The following TBC1D30 variants were observed in gnomAD, a reference collection of about 807,000 sequenced individuals.
TBC1D30 encodes the protein TBC1 domain family, member 30.
TBC1D30 carries 31 observed loss-of-function variants against 63.2 expected under a neutral mutation model. That is an observed-to-expected ratio of 0.49 (90% CI 0.37 to 0.66). The LOEUF (loss-of-function observed/expected upper bound fraction) is 0.66. TBC1D30 is among the 30% of genes least tolerant of loss of function. The pLI, the probability that TBC1D30 is intolerant of heterozygous loss-of-function variation, is 0.00. For synonymous variants in TBC1D30, 307 were observed against 361.5 expected (o/e 0.85, Z 1.71); for missense variants, 810 against 953.6 (o/e 0.85, Z 1.98).
At chr12:64,853,220 G>A (rs1329106644) in intron 8 of TBC1D30, among the ~76,000 whole-genome samples, 1 of 152,182 alleles carries the variant, frequency 6.6e-6, no homozygotes, top group South Asian at 2.1e-4. Context: ...GCACTCTAGC[G>A]ACAGCGGCTT....
rs967922781 is a variant in TBC1D30, at chr12:64,879,993, A to G, written c.*4205A>G. ...ATGGAAACCTGAAAACAATATAAAC[A>G]TCTGGGAATAGGGGAGATGTTTGGA... On this transcript the variant is annotated 3_prime_UTR_variant, in exon 12 of 12. Coordinates refer to ENST00000539867, the MANE Select transcript of TBC1D30 (RefSeq NM_015279.2). 6.6e-6 allele frequency: 1 copy of G among 152,220 alleles called. No homozygotes were observed. The highest frequency in any genetic ancestry group is 1.5e-5 in the Non-Finnish European group (1 of 68,036). The allele number at this position is 152,220 out of a possible 1,614,324, so 9.4% of individuals were successfully genotyped here.
At chr12:64,823,469 T>G (rs78791516), upstream of TBC1D30, among the ~76,000 whole-genome samples, 4,604 of 152,234 alleles carry the variant, frequency 0.03, 216 homozygotes, top group African/African-American at 0.11. Context: ...TAAAAATAAT[T>G]TATTCATTTA....
chr12:64,853,330 G>A (rs550887619), intron 8 of TBC1D30, among the ~76,000 whole-genome samples: 31 of 152,282 alleles, frequency 2.0e-4, no homozygotes, highest in South Asian at 1.0e-3. Context: ...AATGGTGGAC[G>A]TCCCTACCCC....
chr12:64,806,820 C>A (rs1459882049), intron 2 of TBC1D30, among the ~76,000 whole-genome samples: 1 of 152,206 alleles, frequency 6.6e-6, no homozygotes, highest in Non-Finnish European at 1.5e-5. Flanking sequence ...TGTGTTACAG[C>A]ATCTACATAC....
At chr12:64,836,193 G>A (rs1029707163) in intron 5 of TBC1D30, among the ~76,000 whole-genome samples, 4 of 152,178 alleles carry the variant, frequency 2.6e-5, no homozygotes, top group East Asian at 3.9e-4. Context: ...TCAGAATGAC[G>A]CTAAGGGTTG....
chr12:64,861,463 T>C (rs1168007251), intron 8 of TBC1D30, among the ~76,000 whole-genome samples: 1 of 152,192 alleles, frequency 6.6e-6, no homozygotes, highest in Non-Finnish European at 1.5e-5. Context: ...GTGGGCTGAA[T>C]GTAAGGTCTT....
At position 64,866,885 on chromosome 12, in the gene TBC1D30, T is replaced by TA; in HGVS notation, c.1274dup (p.Tyr425Ter). The part of the protein sequence containing the change: ...SGFLAPELQK[Y>*]QKQIKEPNEE... ...GTTCCTGGCTCCTGAACTGCAGAAG[T>TA]ACCAAAAACAAATTAAAGGTAAAGA... Residue 425 changes from tyrosine to a stop codon, truncating the protein, a stop_gained and frameshift_variant, in exon 10 of 12, where the codon TAC becomes TAAC. Transcript: ENST00000539867. LOFTEE classifies it high-confidence loss of function. 1.3e-6 allele frequency: 2 copies of TA among 1,536,056 alleles called. No individual in the cohort carries two copies. Among genetic ancestry groups the TA allele is most frequent in the Non-Finnish European group, 1.7e-6 (2 of 1,146,884 alleles).
exon 1 of TBC1D30, chr12:64,780,785 C>T (rs1871227149): frequency 1.0e-6 from 1 of 989,450 alleles, no homozygotes; most frequent in African/African-American, 1.7e-5. Flanking sequence ...GCAGCGGGAG[C>T]CGGGCAGCCG....
upstream of TBC1D30, among the ~76,000 whole-genome samples, chr12:64,780,246 G>A (rs995639858): frequency 7.9e-5 from 12 of 152,222 alleles, no homozygotes. Context: ...AAACTAAGAA[G>A]GCTTTTGAAG....
At position 64,836,662 on chromosome 12, in the gene TBC1D30, G is replaced by A; in HGVS notation, c.763+4G>A. 6.5e-7 allele frequency: 1 copy of A among 1,532,094 alleles called. No homozygotes were observed. Among genetic ancestry groups the A allele is most frequent in the Non-Finnish European group, 8.7e-7 (1 of 1,143,838 alleles). The allele number at this position is 1,532,094 out of a possible 1,614,324, so 94.9% of individuals were successfully genotyped here. On this transcript the variant is annotated splice_donor_region_variant and intron_variant, in intron 6 of 11. Transcript: ENST00000539867. Reference sequence around the variant, plus strand: ...ACTGCAAACAAAGAAAGTGGAGGTAGGTTTCAATGCTATTATAACTCTGAA... The same window carrying A: ...ACTGCAAACAAAGAAAGTGGAGGTAAGTTTCAATGCTATTATAACTCTGAA...
chr12:64,841,267 A>G (rs893245385), intron 7 of TBC1D30, among the ~76,000 whole-genome samples: 3 of 152,212 alleles, frequency 2.0e-5, no homozygotes, highest in Non-Finnish European at 4.4e-5. Context: ...GCAACTTGGA[A>G]TTTCTACCTT....
intron 1 of TBC1D30, among the ~76,000 whole-genome samples, chr12:64,770,390 G>T (rs1179243085): frequency 6.6e-6 from 1 of 152,190 alleles, no homozygotes; most frequent in Non-Finnish European, 1.5e-5. Flanking sequence ...ACAAAGATGG[G>T]ATTTGGGAAG....
intron 1 of TBC1D30, among the ~76,000 whole-genome samples, chr12:64,760,047 C>T (rs1870441239): frequency 6.6e-6 from 1 of 152,200 alleles, no homozygotes; most frequent in Non-Finnish European, 1.5e-5. Flanking sequence ...TAGTTTCAAA[C>T]AATTTAGGGA....
chr12:64,832,326 A>G (rs1327071194), intron 5 of TBC1D30, 22 bp downstream of exon 5: 1 of 1,530,574 alleles, frequency 6.5e-7, no homozygotes, highest in Non-Finnish European at 8.8e-7. Flanking sequence ...GCTCTGACAA[A>G]GGCCATGGAC....
intron 2 of TBC1D30, among the ~76,000 whole-genome samples, chr12:64,797,569 A>G (rs1872354070): frequency 6.6e-6 from 1 of 152,184 alleles, no homozygotes; most frequent in African/African-American, 2.4e-5. Context: ...CTCTTTAAAT[A>G]TGTGACCACC....
intron 2 of TBC1D30, among the ~76,000 whole-genome samples, chr12:64,811,063 A>T (rs1309187508): frequency 6.6e-6 from 1 of 152,230 alleles, no homozygotes; most frequent in East Asian, 1.9e-4. Context: ...TTCATTTGGA[A>T]TCAAGTTGTA....
At chr12:64,781,434 C>G (rs1440498822) in intron 1 of TBC1D30, 1 of 849,770 alleles carries the variant, frequency 1.2e-6, no homozygotes, top group Non-Finnish European at 1.4e-6. Context: ...CCCACCGTGG[C>G]ACAGATTTAT....
intron 2 of TBC1D30, among the ~76,000 whole-genome samples, chr12:64,790,232 A>G (rs1483250535): frequency 1.3e-5 from 2 of 152,236 alleles, no homozygotes. Flanking sequence ...ATATGAAATC[A>G]GTACTTTATC....
chr12:64,832,200 G>T lies in TBC1D30; in HGVS notation c.490G>T (p.Ala164Ser). The change falls in exon 5 of 12, where the codon GCC becomes TCC. Residue 164 changes from alanine to serine, a missense_variant. Physicochemically the swap from Ala to Ser is moderately conservative, Grantham distance 99. Coordinates refer to ENST00000539867, the MANE Select transcript of TBC1D30 (RefSeq NM_015279.2). ...GGTTGTGTTGAAGCGGGTGCTGCTG[G>T]CCTATGCCCGATGGAACAAAACTGT... Reference protein sequence around the residue: ...DRVVLKRVLLAYARWNKTVGY... With the variant: ...DRVVLKRVLLSYARWNKTVGY... 3.3e-6 allele frequency: 5 copies of T among 1,536,166 alleles called. No homozygotes were observed. The highest frequency in any genetic ancestry group is 4.4e-6 in the Non-Finnish European group (5 of 1,146,914).
Sources: gnomAD v4.1 joint callset for allele counts (sites outside exome capture counted in the v4.1 genomes callset) on GRCh38, gnomAD v4.1.1 for gene constraint, MANE v1.5 for transcripts, NCBI Gene and HGNC (gene_info 2026-07-23, HGNC 2026-07-21) for gene names.